GPHN: variants seen among roughly 807,000 people sequenced by gnomAD.
GPHN encodes the protein gephyrin.
GPHN carries 17 observed loss-of-function variants against 95.5 expected under a neutral mutation model. That is an observed-to-expected ratio of 0.18 (90% confidence interval 0.12 to 0.27). The LOEUF (loss-of-function observed/expected upper bound fraction) is 0.27. Among genes scored for constraint, GPHN ranks in the 10% least tolerant of loss-of-function variants. The probability of loss-of-function intolerance (pLI) is 1.00; values close to 1 mark genes in which losing one functional copy is unlikely to be tolerated. For synonymous variants in GPHN, 320 were observed against 322.5 expected (o/e 0.99, Z 0.08); for missense variants, 660 against 978.1 (o/e 0.67, Z 4.34).
At chr14:67,126,370 T>C (rs1333436784) in intron 17 of GPHN, among the ~76,000 whole-genome samples, 1 of 152,198 alleles carries the variant, frequency 6.6e-6, no homozygotes, top group Non-Finnish European at 1.5e-5. Flanking sequence ...TATACCTGTG[T>C]ACTACTGTGG....
At chr14:66,564,658 T>G (rs1208545645) in intron 1 of GPHN, among the ~76,000 whole-genome samples, 1 of 152,186 alleles carries the variant, frequency 6.6e-6, no homozygotes. Flanking sequence ...AATAACAATT[T>G]ATCATTTCTG....
the GPHN span, chr14:67,205,035 A>AGTC: frequency 6.4e-7 from 1 of 1,552,478 alleles, no homozygotes. Flanking sequence ...ACTGCTCGGG[A>AGTC]GTCACAGTGG....
chr14:66,516,070 G>A (rs751213835), intron 1 of GPHN, among the ~76,000 whole-genome samples: 25 of 151,182 alleles, frequency 1.7e-4, no homozygotes, highest in Non-Finnish European at 1.8e-4. Flanking sequence ...GCAGTGGTGC[G>A]ATCTCAGCTT....
intron 1 of GPHN, among the ~76,000 whole-genome samples, chr14:66,546,269 C>T (rs1171756129): frequency 2.6e-5 from 4 of 151,088 alleles, no homozygotes; most frequent in Non-Finnish European, 5.9e-5. Flanking sequence ...CGGGCAGAGA[C>T]GCTCCTCACT....
chr14:66,977,239 G>A (rs767270858), intron 9 of GPHN, among the ~76,000 whole-genome samples: 4 of 152,128 alleles, frequency 2.6e-5, no homozygotes, highest in Non-Finnish European at 5.9e-5. Context: ...AGACCATCCT[G>A]ACTAACACGG....
chr14:67,284,776 T>TA, the GPHN span, among the ~76,000 whole-genome samples: 1 of 152,102 alleles, frequency 6.6e-6, no homozygotes, highest in Non-Finnish European at 1.5e-5. Flanking sequence ...TCTTTTCACT[T>TA]ACCATTATGT....
chr14:67,593,856 T>C, the GPHN span: 3 of 1,612,854 alleles, frequency 1.9e-6, no homozygotes, highest in Non-Finnish European at 2.5e-6. Flanking sequence ...AGGGAATCAA[T>C]GATTAACAGA....
chr14:67,155,930 A>T (rs1010788416), intron 18 of GPHN, among the ~76,000 whole-genome samples: 3 of 152,226 alleles, frequency 2.0e-5, no homozygotes, highest in Non-Finnish European at 4.4e-5. Flanking sequence ...AATGGAAATG[A>T]TGGAACCCAG....
intron 1 of GPHN, among the ~76,000 whole-genome samples, chr14:66,677,624 C>T (rs1385888918): frequency 1.3e-5 from 2 of 151,954 alleles, no homozygotes; most frequent in Non-Finnish European, 1.5e-5. Flanking sequence ...TAGTTTTACT[C>T]CATTATGGTT....
At chr14:67,659,018 G>C in the GPHN span, among the ~76,000 whole-genome samples, 1 of 152,144 alleles carries the variant, frequency 6.6e-6, no homozygotes, top group African/African-American at 2.4e-5. Flanking sequence ...TTGTGTTTGT[G>C]GAAGACAGAC....
At chr14:66,755,235 T>A (rs2058515525) in intron 2 of GPHN, among the ~76,000 whole-genome samples, 1 of 152,144 alleles carries the variant, frequency 6.6e-6, no homozygotes, top group Non-Finnish European at 1.5e-5. Context: ...TGGTGTTTTC[T>A]TGTAGGAATT....
intron 1 of GPHN, among the ~76,000 whole-genome samples, chr14:66,586,234 T>C (rs1411725193): frequency 1.3e-5 from 2 of 152,182 alleles, no homozygotes; most frequent in Non-Finnish European, 2.9e-5. Flanking sequence ...TTGTTTTCCA[T>C]TGGTTTGGTA....
intron 1 of GPHN, among the ~76,000 whole-genome samples, chr14:66,559,518 T>C: frequency 1.3e-5 from 2 of 151,210 alleles, no homozygotes; most frequent in African/African-American, 2.5e-5. Context: ...CATGTGTTTT[T>C]TGGCTGCATA....
chr14:67,284,597 A>AATCATCACTAC, the GPHN span, among the ~76,000 whole-genome samples: 1 of 140,868 alleles, frequency 7.1e-6, no homozygotes, highest in Non-Finnish European at 1.5e-5. Flanking sequence ...AAGGTTGTGC[A>AATCATCACTAC]ATCATCACTA....
chr14:67,057,766 C>T (rs1203357308), intron 10 of GPHN, among the ~76,000 whole-genome samples: 3 of 151,850 alleles, frequency 2.0e-5, no homozygotes, highest in African/African-American at 7.3e-5. Flanking sequence ...TTCTTCATGG[C>T]AGGATATATT....
At chr14:67,029,292 A>C (rs186403906) in intron 10 of GPHN, among the ~76,000 whole-genome samples, 18 of 151,902 alleles carry the variant, frequency 1.2e-4, no homozygotes, top group Non-Finnish European at 2.5e-4. Flanking sequence ...TACTACTAGT[A>C]ATACTATGAT....
intron 8 of GPHN, among the ~76,000 whole-genome samples, chr14:66,949,025 GAT>G (rs1218145926): frequency 6.6e-6 from 1 of 152,142 alleles, no homozygotes; most frequent in African/African-American, 2.4e-5. Flanking sequence ...GAAGACATGT[GAT>G]ATATATTTTC....
intron 18 of GPHN, among the ~76,000 whole-genome samples, chr14:67,144,072 C>CA (rs1319326289): frequency 2.0e-5 from 3 of 149,072 alleles, no homozygotes; most frequent in Admixed American, 6.7e-5. Flanking sequence ...CCCATCTCTA[C>CA]AAAAAAAATC....
At chr14:67,361,254 G>A in the GPHN span, among the ~76,000 whole-genome samples, 2 of 152,156 alleles carry the variant, frequency 1.3e-5, no homozygotes, top group Non-Finnish European at 2.9e-5. Flanking sequence ...AAAAAGTATA[G>A]CAGAGAAGTC....
Sources: gnomAD v4.1 joint callset for allele counts (sites outside exome capture counted in the v4.1 genomes callset) on GRCh38, gnomAD v4.1.1 for gene constraint, MANE v1.5 for transcripts, NCBI Gene and HGNC (gene_info 2026-07-23, HGNC 2026-07-21) for gene names.